TBC1D5: variants seen among roughly 807,000 people sequenced by gnomAD.
TBC1D5 encodes the protein TBC1 domain family, member 5.
In TBC1D5, 75 loss-of-function variants were observed where a neutral mutation model predicts 100.3. The ratio of observed to expected loss-of-function variants is 0.75; its 90% CI spans 0.62 to 0.91. TBC1D5 has a LOEUF of 0.91. TBC1D5 is among the 40% of genes least tolerant of loss of function. The probability of loss-of-function intolerance (pLI) is 0.00; values close to 1 mark genes in which losing one functional copy is unlikely to be tolerated. For missense variants in TBC1D5, 910 were observed against 942.4 expected (o/e 0.97, Z 0.45); for synonymous variants, 323 against 325.6 (o/e 0.99, Z 0.09).
At chr3:17,350,970 A>G (rs2090499501) in intron 13 of TBC1D5, among the ~76,000 whole-genome samples, 1 of 152,188 alleles carries the variant, frequency 6.6e-6, no homozygotes, top group Non-Finnish European at 1.5e-5. Flanking sequence ...CTTATATATA[A>G]GTTATACAAG....
At chr3:17,508,720 C>T (rs1475782516) in intron 2 of TBC1D5, 115 bp from the exon 3 acceptor site, 6 of 480,296 alleles carry the variant, frequency 1.2e-5, no homozygotes, top group Non-Finnish European at 2.3e-5. Context: ...AAGTTTTTCC[C>T]AGGCTCCAGG....
intron 3 of TBC1D5, among the ~76,000 whole-genome samples, chr3:17,468,995 G>A (rs1380736407): frequency 1.2e-4 from 18 of 152,096 alleles, no homozygotes; most frequent in Admixed American, 1.2e-3. Flanking sequence ...ACCTGGAGAA[G>A]GGAATTAATA....
At chr3:17,434,386 A>G (rs1340000594) in intron 3 of TBC1D5, among the ~76,000 whole-genome samples, 2 of 152,124 alleles carry the variant, frequency 1.3e-5, no homozygotes, top group Admixed American at 1.3e-4. Flanking sequence ...CTGCACACCC[A>G]CAGGCCCAAC....
intron 13 of TBC1D5, among the ~76,000 whole-genome samples, chr3:17,319,435 G>GTTT (rs35059577): frequency 4.3e-5 from 6 of 138,214 alleles, no homozygotes; most frequent in African/African-American, 1.1e-4. Context: ...TAATTTATAG[G>GTTT]TTTTTTTTTT....
rs188146322 is a variant in TBC1D5, at chr3:17,735,839, G to A, written c.-101+3504C>T. Reference sequence around the variant, plus strand: ...CAAACAGCAGTGGTGGATGGCGAGCGAAAGCTCAGCTCGAGAAGTAACAAA... The same window carrying A: ...CAAACAGCAGTGGTGGATGGCGAGCAAAAGCTCAGCTCGAGAAGTAACAAA... On this transcript the variant is annotated intron_variant, in intron 1 of 21. Coordinates refer to ENST00000253692, the Ensembl canonical transcript of TBC1D5. 3.9e-5 allele frequency among the ~76,000 whole-genome samples: 6 copies of A among 152,308 alleles called. No individual in the cohort carries two copies. In the East Asian group the frequency reaches 5.8e-4, roughly 15 times the overall value.
intron 19 of TBC1D5, among the ~76,000 whole-genome samples, chr3:17,184,235 T>C (rs2068758134): frequency 1.3e-5 from 2 of 152,152 alleles, no homozygotes; most frequent in South Asian, 4.1e-4. Context: ...ATGACCCACA[T>C]GCAAAATGAA....
Position 17,388,754 on chromosome 3 carries a change from T to C in TBC1D5, c.510-4739A>G, listed in dbSNP as rs1575646955. On this transcript the variant is annotated intron_variant, in intron 8 of 21. Coordinates refer to ENST00000253692, the Ensembl canonical transcript of TBC1D5. ...GGCACAAACCTGTAGTCCCAGCTAA[T>C]TGGGAAGCTGAGGTGGGAGGATCAC... 4.0e-5 allele frequency among the ~76,000 whole-genome samples: 6 copies of C among 150,944 alleles called. 2 individuals carry two copies. In the South Asian group the frequency reaches 1.0e-3, roughly 26 times the overall value.
chr3:17,283,530 C>T (rs866968983), intron 15 of TBC1D5, among the ~76,000 whole-genome samples: 3 of 152,048 alleles, frequency 2.0e-5, no homozygotes, highest in Non-Finnish European at 2.9e-5. Flanking sequence ...AATTCAGAGT[C>T]GTGGCCACAG....
At chr3:17,675,910 C>T (rs532242098) in intron 1 of TBC1D5, among the ~76,000 whole-genome samples, 1 of 152,014 alleles carries the variant, frequency 6.6e-6, no homozygotes, top group Non-Finnish European at 1.5e-5. Context: ...GTATTATTTG[C>T]CCCTTACTAT....
At chr3:17,427,563 T>C (rs1010731815) in intron 4 of TBC1D5, among the ~76,000 whole-genome samples, 3 of 151,956 alleles carry the variant, frequency 2.0e-5, no homozygotes, top group Admixed American at 2.0e-4. Flanking sequence ...ATATTAAAAT[T>C]AGTTCTCAAG....
At chr3:17,680,067 A>G (rs1288533509) in intron 1 of TBC1D5, among the ~76,000 whole-genome samples, 1 of 151,494 alleles carries the variant, frequency 6.6e-6, no homozygotes, top group Non-Finnish European at 1.5e-5. Context: ...TGTGGAAACA[A>G]TAGAAAAAAG....
In TBC1D5 at chr3:17,505,227, C is replaced by T. The variant is rs1203022000; in HGVS notation, c.97+3247G>A. ...TTTAAGGAGGTGAATTGATCAGGGG[C>T]TGATCCTTCATGAATGGTTTTGCAC... On this transcript the variant is annotated intron_variant, in intron 3 of 21. Transcript: ENST00000253692. Among the ~76,000 whole-genome samples the T allele has an allele frequency of 2.6e-5, 4 of 151,638 alleles. No individual in the cohort carries two copies. The East Asian group carries it at 7.7e-4, about 29-fold the overall frequency.
chr3:17,503,194 T>C (rs2095805374), intron 3 of TBC1D5, among the ~76,000 whole-genome samples: 2 of 149,654 alleles, frequency 1.3e-5, no homozygotes, highest in Admixed American at 1.3e-4. Flanking sequence ...TAATCTTAAA[T>C]CACACTGAAA....
At chr3:17,684,282 AG>A (rs1430636242) in intron 1 of TBC1D5, among the ~76,000 whole-genome samples, 5 of 152,140 alleles carry the variant, frequency 3.3e-5, no homozygotes, top group Non-Finnish European at 7.4e-5. Flanking sequence ...AAGATACTAA[AG>A]GAACATTCCA....
At chr3:17,612,893 T>A (rs558571665) in intron 2 of TBC1D5, among the ~76,000 whole-genome samples, 1 of 151,574 alleles carries the variant, frequency 6.6e-6, no homozygotes, top group African/African-American at 2.4e-5. Context: ...CTTTTCTTTT[T>A]TTTTTTTTTT....
intron 1 of TBC1D5, among the ~76,000 whole-genome samples, chr3:17,674,004 T>A (rs548885787): frequency 6.2e-4 from 95 of 152,318 alleles, no homozygotes; most frequent in Admixed American, 1.0e-3. Context: ...TGACTCCCAA[T>A]TCCTTGACTC....
intron 3 of TBC1D5, among the ~76,000 whole-genome samples, chr3:17,492,202 T>C (rs2095647822): frequency 6.6e-6 from 1 of 152,144 alleles, no homozygotes; most frequent in South Asian, 2.1e-4. Context: ...TAGCAGTCTA[T>C]CTATTTTATT....
chr3:17,486,876 G>T (rs1315434240), intron 3 of TBC1D5, among the ~76,000 whole-genome samples: 1 of 152,182 alleles, frequency 6.6e-6, no homozygotes, highest in Non-Finnish European at 1.5e-5. Context: ...AAGGATGAGA[G>T]CAAGTGCTTG....
At chr3:17,420,830 C>A (rs2094190748) in intron 4 of TBC1D5, among the ~76,000 whole-genome samples, 1 of 152,170 alleles carries the variant, frequency 6.6e-6, no homozygotes, top group South Asian at 2.1e-4. Flanking sequence ...AGTAGCTTAT[C>A]CTCACATTTC....
Sources: gnomAD v4.1 joint callset for allele counts (sites outside exome capture counted in the v4.1 genomes callset) on GRCh38, gnomAD v4.1.1 for gene constraint, MANE v1.5 for transcripts, NCBI Gene and HGNC (gene_info 2026-07-23, HGNC 2026-07-21) for gene names.